CRYBA4: variants seen among roughly 807,000 people sequenced by gnomAD.
CRYBA4 encodes the protein crystallin beta A4.
A neutral mutation model predicts 31.7 loss-of-function variants in CRYBA4; 30 were observed. The observed-to-expected ratio is 0.95, with a 90% confidence interval of 0.71 to 1.28. The LOEUF is 1.28. Ranked by LOEUF, CRYBA4 falls within the 50% of genes most tolerant of loss-of-function variation. The pLI, the probability that CRYBA4 is intolerant of heterozygous loss-of-function variation, is 0.00. For missense variants in CRYBA4, 225 were observed against 260.7 expected (o/e 0.86, Z 0.94); for synonymous variants, 102 against 102.3 (o/e 1.00, Z 0.02).
At chr22:26,627,465 T>TTTCC (rs1929770494) in intron 4 of CRYBA4, among the ~76,000 whole-genome samples, 12 of 106,582 alleles carry the variant, frequency 1.1e-4, no homozygotes, top group African/African-American at 5.1e-4. Context: ...TTTTTCTTTC[T>TTTCC]TTCTTTCTTT....
the CRYBA4 span, among the ~76,000 whole-genome samples, chr22:26,597,423 G>A: frequency 2.0e-5 from 3 of 152,216 alleles, no homozygotes; most frequent in Non-Finnish European, 4.4e-5. Context: ...ATTTCTAACA[G>A]ATGGCAGTAA....
At chr22:26,629,353 C>T (rs1362869102) in intron 5 of CRYBA4, among the ~76,000 whole-genome samples, 3 of 151,544 alleles carry the variant, frequency 2.0e-5, no homozygotes, top group African/African-American at 4.9e-5. Context: ...GTAAGAGGGA[C>T]CCCTTGTGAT....
chr22:26,627,434 C>CTT (rs1288659690), intron 4 of CRYBA4, among the ~76,000 whole-genome samples: 1 of 104,398 alleles, frequency 9.6e-6, no homozygotes, highest in African/African-American at 4.2e-5. Context: ...CTTTTTCTTT[C>CTT]TTTCTTTCTT....
chr22:26,607,784 C>T, the CRYBA4 span: 30 of 1,534,296 alleles, frequency 2.0e-5, no homozygotes, highest in Non-Finnish European at 2.3e-5. Flanking sequence ...GCTGCCACGC[C>T]TCCCTACCCA....
At chr22:26,598,405 C>A in the CRYBA4 span, among the ~76,000 whole-genome samples, 2 of 151,932 alleles carry the variant, frequency 1.3e-5, no homozygotes, top group Admixed American at 1.3e-4. Context: ...TTGACAGGAT[C>A]TCACTCTGTT....
At chr22:26,608,641 T>C in the CRYBA4 span, among the ~76,000 whole-genome samples, 1 of 152,222 alleles carries the variant, frequency 6.6e-6, no homozygotes, top group African/African-American at 2.4e-5. Flanking sequence ...TCAGGGTTCT[T>C]TTAAAATGTG....
rs575674111 is a variant in CRYBA4, at chr22:26,630,498, G to A, written c.*11G>A. ...AGGATCCAGCAGTGAACAGGGGTGCGGCACGGAGGAGCGCATGCGTGCTTA... is the reference window on the plus strand; with the variant it reads ...AGGATCCAGCAGTGAACAGGGGTGCAGCACGGAGGAGCGCATGCGTGCTTA... On this transcript the variant is annotated 3_prime_UTR_variant, in exon 6 of 6. Coordinates refer to ENST00000354760, the MANE Select transcript of CRYBA4 (RefSeq NM_001886.3). 74 of 1,611,432 alleles carry A rather than the reference G, an allele frequency of 4.6e-5. No individual in the cohort carries two copies. Among genetic ancestry groups the A allele is most frequent in the East Asian group, 6.7e-5 (3 of 44,880 alleles).
rs376978067 is a variant in CRYBA4, at chr22:26,628,317, C to T, written c.330C>T (p.Phe110=). ...ANHRDSRLTI[F]EQENFLGKKG... ...ACCGTGACTCGAGGCTGACAATCTTCGAGCAAGAGAACTTCCTGGGCAAGA... is the reference window on the plus strand; with the variant it reads ...ACCGTGACTCGAGGCTGACAATCTTTGAGCAAGAGAACTTCCTGGGCAAGA... The change falls in exon 5 of 6, where the codon TTC becomes TTT. Residue 110 remains phenylalanine, a synonymous_variant. Transcript: ENST00000354760. The T allele has an allele frequency of 8.5e-5, 137 of 1,613,892 alleles. No homozygotes were observed. The highest frequency in any genetic ancestry group is 1.6e-4 in the Middle Eastern group (1 of 6,084).
chr22:26,627,358 T>TCCCTCCCTCCCTCCCTCCCTC (rs1295943481), intron 4 of CRYBA4, among the ~76,000 whole-genome samples: 1 of 34,506 alleles, frequency 2.9e-5, no homozygotes, highest in Admixed American at 4.4e-4. Context: ...CCTCCCTCCC[T>TCCCTCCCTCCCTCCCTCCCTC]CCTTTCTTTC....
At chr22:26,611,435 C>G in the CRYBA4 span, among the ~76,000 whole-genome samples, 1 of 151,126 alleles carries the variant, frequency 6.6e-6, no homozygotes, top group Non-Finnish European at 1.5e-5. Flanking sequence ...TCTCAGCCCT[C>G]GGTAATGGGC....
the CRYBA4 span, chr22:26,599,311 G>T: frequency 1.6e-6 from 1 of 615,192 alleles, no homozygotes; most frequent in Non-Finnish European, 2.9e-6. Context: ...TATTATCGTT[G>T]TAATTATTAA....
At chr22:26,620,755 G>A (rs886279075), upstream of CRYBA4, among the ~76,000 whole-genome samples, 2 of 151,960 alleles carry the variant, frequency 1.3e-5, no homozygotes, top group African/African-American at 4.8e-5. Flanking sequence ...TAGAGACGGG[G>A]TTTCACCATG....
At chr22:26,605,944 A>G in the CRYBA4 span, among the ~76,000 whole-genome samples, 1 of 152,216 alleles carries the variant, frequency 6.6e-6, no homozygotes, top group Non-Finnish European at 1.5e-5. Flanking sequence ...TGCAGGCCAC[A>G]TGTGGCTCAG....
chr22:26,614,592 C>T, the CRYBA4 span, among the ~76,000 whole-genome samples: 16 of 152,088 alleles, frequency 1.1e-4, no homozygotes, highest in East Asian at 3.9e-4. Context: ...AATGAATGGC[C>T]GGCAGTCATG....
At chr22:26,625,401 C>T (rs1168939892) in intron 3 of CRYBA4, 80 bp from the exon 4 acceptor site, 38 of 1,521,126 alleles carry the variant, frequency 2.5e-5, no homozygotes, top group East Asian at 4.6e-5. Context: ...TGACTGTGAC[C>T]GTTCTAGACC....
At chr22:26,599,531 C>T in the CRYBA4 span, 34 of 1,613,780 alleles carry the variant, frequency 2.1e-5, no homozygotes, top group South Asian at 3.2e-4. Flanking sequence ...AAGGACCCCT[C>T]GAGGTGCCAC....
At chr22:26,611,613 T>C in the CRYBA4 span, among the ~76,000 whole-genome samples, 1 of 151,964 alleles carries the variant, frequency 6.6e-6, no homozygotes, top group African/African-American at 2.4e-5. Context: ...TAGCTGGGAC[T>C]ACAGGCGCCC....
At chr22:26,600,141 C>CAT in the CRYBA4 span, among the ~76,000 whole-genome samples, 1 of 152,124 alleles carries the variant, frequency 6.6e-6, no homozygotes, top group Non-Finnish European at 1.5e-5. Flanking sequence ...GTGGCTCAAG[C>CAT]CTGTAATCCC....
intron 5 of CRYBA4, among the ~76,000 whole-genome samples, chr22:26,628,696 C>A (rs907197154): frequency 3.3e-5 from 5 of 152,154 alleles, no homozygotes; most frequent in Non-Finnish European, 7.4e-5. Context: ...TCTCTCTCCC[C>A]CCACAACCCC....
Sources: allele counts gnomAD v4.1 joint callset (sites outside exome capture counted in the v4.1 genomes callset), GRCh38; gene constraint gnomAD v4.1.1; transcripts MANE v1.5; gene names NCBI Gene and HGNC (gene_info 2026-07-23, HGNC 2026-07-21).